The following BMPR2 variants were observed in gnomAD, a reference collection of about 807,000 sequenced individuals.
BMPR2 encodes bone morphogenetic protein receptor type-2.
A neutral mutation model predicts 100.8 loss-of-function variants in BMPR2; 29 were observed. The observed-to-expected ratio is 0.29, with a 90% CI of 0.21 to 0.39. BMPR2 has a LOEUF of 0.39. BMPR2 is among the 10% of genes least tolerant of loss of function. The pLI, the probability that BMPR2 is intolerant of heterozygous loss-of-function variation, is 1.00. For synonymous variants in BMPR2, 382 were observed against 442.3 expected (o/e 0.86, Z 1.71); for missense variants, 1,011 against 1,274.5 (o/e 0.79, Z 3.15).
At chr2:202,425,936 A>T (rs538838614) in intron 1 of BMPR2, among the ~76,000 whole-genome samples, 1 of 152,348 alleles carries the variant, frequency 6.6e-6, no homozygotes, top group African/African-American at 2.4e-5. Flanking sequence ...ATATGTAATC[A>T]AGTAAGAATT....
At chr2:202,454,067 A>T (rs1189410518) in intron 1 of BMPR2, among the ~76,000 whole-genome samples, 1 of 152,086 alleles carries the variant, frequency 6.6e-6, no homozygotes, top group East Asian at 1.9e-4. Context: ...AAGTAAAAAA[A>T]TTTATTTTTA....
intron 8 of BMPR2, among the ~76,000 whole-genome samples, 170 bp downstream of exon 8, chr2:202,531,124 G>A (rs917567539): frequency 6.6e-6 from 1 of 152,254 alleles, no homozygotes; most frequent in East Asian, 1.9e-4. Flanking sequence ...CCAACATGGC[G>A]AAACCCCGTC....
intron 1 of BMPR2, among the ~76,000 whole-genome samples, chr2:202,440,689 G>A (rs1206462327): frequency 6.6e-6 from 1 of 150,466 alleles, no homozygotes; most frequent in Admixed American, 6.6e-5. Context: ...CCAGGCACTC[G>A]GCAGGCTGAG....
At position 202,440,789 on chromosome 2, in the gene BMPR2, G is replaced by C. The variant is rs543091564; in HGVS notation, c.77-24020G>C. 6.6e-4 allele frequency among the ~76,000 whole-genome samples: 99 copies of C among 150,454 alleles called. 10 individuals are homozygous for C. The highest frequency in any genetic ancestry group is 2.5e-3 in the African/African-American group (98 of 39,860). On this transcript the variant is annotated intron_variant, in intron 1 of 12. Coordinates refer to ENST00000374580, the MANE Select transcript of BMPR2 (RefSeq NM_001204.7). ...CTTGGCATCAGAGGGAGACCGGGGA[G>C]ACCGGGGAGACCGGGGAGACTGGGG... is the stretch of plus-strand genomic sequence containing the variant.
intron 3 of BMPR2, among the ~76,000 whole-genome samples, chr2:202,490,071 A>G (rs879370140): frequency 6.6e-6 from 1 of 152,184 alleles, no homozygotes. Context: ...GCTTCTATCA[A>G]TAGTGGATTG....
intron 1 of BMPR2, among the ~76,000 whole-genome samples, chr2:202,388,411 A>AC (rs1163473294): frequency 6.6e-6 from 1 of 150,570 alleles, no homozygotes; most frequent in African/African-American, 2.4e-5. Flanking sequence ...AAAAAAAAAA[A>AC]AAAAAAAAAC....
intron 7 of BMPR2, among the ~76,000 whole-genome samples, chr2:202,522,001 A>G (rs2106010087): frequency 6.6e-6 from 1 of 152,164 alleles, no homozygotes; most frequent in Non-Finnish European, 1.5e-5. Flanking sequence ...TCTACAAAAT[A>G]TAAAAAAGTT....
intron 7 of BMPR2, among the ~76,000 whole-genome samples, chr2:202,528,249 G>A (rs1167375254): frequency 1.3e-5 from 2 of 152,170 alleles, no homozygotes; most frequent in Non-Finnish European, 2.9e-5. Flanking sequence ...GTACAATGGC[G>A]TGATCTCGGC....
At chr2:202,379,447 A>G (rs541726835) in intron 1 of BMPR2, among the ~76,000 whole-genome samples, 21 of 152,308 alleles carry the variant, frequency 1.4e-4, no homozygotes, top group African/African-American at 4.6e-4. Flanking sequence ...AGCAGCAACA[A>G]CTTCTCATCT....
intron 3 of BMPR2, among the ~76,000 whole-genome samples, chr2:202,506,489 G>T (rs544588722): frequency 6.6e-6 from 1 of 152,020 alleles, no homozygotes; most frequent in African/African-American, 2.4e-5. Context: ...TTTTATAAGG[G>T]CCCAAACCCA....
chr2:202,457,034 T>G (rs1395633815), intron 1 of BMPR2, among the ~76,000 whole-genome samples: 1 of 152,168 alleles, frequency 6.6e-6, no homozygotes, highest in Non-Finnish European at 1.5e-5. Context: ...TAAAGTGCCT[T>G]GGGATTTTTA....
At position 202,556,233 on chromosome 2, in the gene BMPR2, C is replaced by G. The variant is rs764303156; in HGVS notation, c.2568C>G (p.Thr856=). 2 of 1,613,106 alleles carry G rather than the reference C, an allele frequency of 1.2e-6. No homozygotes were observed. The highest frequency in any genetic ancestry group is 1.7e-6 in the Non-Finnish European group (2 of 1,179,248). Residue 856 remains threonine (T), a synonymous_variant, in exon 12 of 13, where the codon ACC becomes ACG. Coordinates refer to ENST00000374580, the MANE Select transcript of BMPR2 (RefSeq NM_001204.7). The part of the protein sequence containing the change: ...MLQNQFIGED[T]RLNINSSPDE... Reference sequence around the variant, plus strand: ...AGAATCAGTTTATTGGTGAGGACACCCGGCTGAATATTAATTCCAGTCCTG... The same window carrying G: ...AGAATCAGTTTATTGGTGAGGACACGCGGCTGAATATTAATTCCAGTCCTG...
At chr2:202,393,471 T>TA (rs1449684270) in intron 1 of BMPR2, among the ~76,000 whole-genome samples, 2 of 152,136 alleles carry the variant, frequency 1.3e-5, no homozygotes, top group East Asian at 3.9e-4. Context: ...AATATATATA[T>TA]TTTTTTGTAG....
intron 1 of BMPR2, among the ~76,000 whole-genome samples, chr2:202,450,848 A>T (rs993345433): frequency 2.0e-5 from 3 of 152,190 alleles, no homozygotes; most frequent in Admixed American, 6.5e-5. Context: ...TATATTTCAT[A>T]ACAGAATTTG....
At chr2:202,380,130 T>G (rs926563853) in intron 1 of BMPR2, among the ~76,000 whole-genome samples, 1 of 151,840 alleles carries the variant, frequency 6.6e-6, no homozygotes. Context: ...CCTCCCAAAG[T>G]GCTGGGATTA....
At chr2:202,472,792 G>A (rs562804155) in intron 3 of BMPR2, among the ~76,000 whole-genome samples, 34 of 152,310 alleles carry the variant, frequency 2.2e-4, no homozygotes, top group African/African-American at 7.7e-4. Context: ...TAGGAATATT[G>A]CCAGCTAGGA....
At chr2:202,482,320 TC>T (rs1692676244) in intron 3 of BMPR2, among the ~76,000 whole-genome samples, 1 of 152,226 alleles carries the variant, frequency 6.6e-6, no homozygotes, top group Non-Finnish European at 1.5e-5. Flanking sequence ...TGCTTTCAAT[TC>T]TTTTGGATGT....
In BMPR2 at chr2:202,441,067, C is replaced by T. The variant is rs181889202; in HGVS notation, c.77-23742C>T. ...ACAATCTTGGCTCACTGCAACGTCT[C>T]CCTCCTGGGTTCAAGCAAATCACCT... On this transcript the variant is annotated intron_variant, in intron 1 of 12. Coordinates refer to ENST00000374580, the MANE Select transcript of BMPR2 (RefSeq NM_001204.7). Among the ~76,000 whole-genome samples, 9 of 150,146 alleles carry T rather than the reference C, an allele frequency of 6.0e-5. No homozygotes were observed. In the East Asian group the frequency reaches 1.7e-3, roughly 29 times the overall value.
chr2:202,559,555 A>G, intron 12 of BMPR2, 141 bp from the exon 13 acceptor site: 1 of 942,428 alleles, frequency 1.1e-6, no homozygotes, highest in Admixed American at 2.4e-5. Flanking sequence ...CTGGAAAAAC[A>G]TTGTCTGGCA....
Sources: gnomAD v4.1 joint callset for allele counts (sites outside exome capture counted in the v4.1 genomes callset) on GRCh38, gnomAD v4.1.1 for gene constraint, MANE v1.5 for transcripts, NCBI Gene and HGNC (gene_info 2026-07-23, HGNC 2026-07-21) for gene names.